Variants in ATG7 observed in about 807,000 individuals in gnomAD.
ATG7 encodes ubiquitin-like modifier-activating enzyme ATG7.
ATG7 carries 70 observed loss-of-function variants against 82.4 expected under a neutral mutation model. That is an observed-to-expected ratio of 0.85 (90% CI 0.70 to 1.04). The LOEUF is 1.04. Ranked by LOEUF, ATG7 falls within the 50% of genes least tolerant of loss-of-function variation. The pLI, the probability that ATG7 is intolerant of heterozygous loss-of-function variation, is 0.00. For synonymous variants in ATG7, 287 were observed against 313.0 expected (o/e 0.92, Z 0.88); for missense variants, 792 against 864.3 (o/e 0.92, Z 1.05).
intron 20 of ATG7, among the ~76,000 whole-genome samples, chr3:11,476,091 C>T (rs1017291719): frequency 6.6e-6 from 1 of 152,186 alleles, no homozygotes; most frequent in African/African-American, 2.4e-5. Flanking sequence ...TATGTGTGCA[C>T]AGAAACCACA....
At chr3:11,306,043 C>T (rs1947668384) in intron 5 of ATG7, among the ~76,000 whole-genome samples, 1 of 152,204 alleles carries the variant, frequency 6.6e-6, no homozygotes, top group African/African-American at 2.4e-5. Flanking sequence ...AGAGAAGAGA[C>T]CAGATTTGTC....
At chr3:11,542,664 C>G (rs1419772352) in intron 20 of ATG7, among the ~76,000 whole-genome samples, 2 of 152,184 alleles carry the variant, frequency 1.3e-5, no homozygotes, top group Admixed American at 1.3e-4. Context: ...CTAGTAGCTG[C>G]TCTCAACCAC....
chr3:11,391,428 T>C (rs2078793116), intron 19 of ATG7, among the ~76,000 whole-genome samples: 1 of 152,218 alleles, frequency 6.6e-6, no homozygotes, highest in Non-Finnish European at 1.5e-5. Context: ...ATGTTAAGCC[T>C]ACGACTTTAG....
intron 8 of ATG7, among the ~76,000 whole-genome samples, chr3:11,313,988 A>C (rs532673685): frequency 6.6e-6 from 1 of 152,344 alleles, no homozygotes; most frequent in South Asian, 2.1e-4. Flanking sequence ...AGGGGGAATT[A>C]TAGGAATATT....
chr3:11,495,239 G>C (rs1419357914), intron 20 of ATG7, among the ~76,000 whole-genome samples: 1 of 152,186 alleles, frequency 6.6e-6, no homozygotes, highest in Non-Finnish European at 1.5e-5. Context: ...CATGGACCTT[G>C]AAGTATGGAC....
At chr3:11,523,683 CA>C (rs1300241030) in intron 20 of ATG7, among the ~76,000 whole-genome samples, 2 of 152,148 alleles carry the variant, frequency 1.3e-5, no homozygotes, top group Non-Finnish European at 2.9e-5. Context: ...ACTGAGCAAG[CA>C]ACAAAGGTTT....
chr3:11,290,151 AGTT>A (rs1467404433), intron 3 of ATG7, among the ~76,000 whole-genome samples: 2 of 152,238 alleles, frequency 1.3e-5, no homozygotes, highest in Admixed American at 6.5e-5. Flanking sequence ...AGAAGTAACT[AGTT>A]GTTCTTAAAA....
At position 11,381,492 on chromosome 3, in the gene ATG7, TAATTA is replaced by T. The variant is rs1459005542; in HGVS notation, c.1956+1446_1956+1450del. On this transcript the variant is annotated intron_variant, in intron 19 of 20. Transcript: ENST00000693202. ...CACTCATTCATTCTTGTTCTATTTC[TAATTA>T]AATTAGCCTTTCAGATACTGTTTAT... Among the ~76,000 whole-genome samples the T allele has an allele frequency of 3.3e-5, 5 of 152,358 alleles. No individual in the cohort carries two copies. The South Asian group carries it at 8.3e-4, about 25-fold the overall frequency.
intron 5 of ATG7, among the ~76,000 whole-genome samples, chr3:11,300,487 C>A (rs890899293): frequency 5.3e-5 from 8 of 151,994 alleles, no homozygotes; most frequent in Non-Finnish European, 1.2e-4. Flanking sequence ...ATAGAGAAAC[C>A]AGGAGGGGGA....
At position 11,298,679 on chromosome 3, in the gene ATG7, T is replaced by A; in HGVS notation, c.-10-7T>A. ...ATTTTGCTGTGTTCTGTTTTGTTTT[T>A]TAATAGGCAAGAAATAATGGCGGCA... On this transcript the variant is annotated splice_region_variant and splice_polypyrimidine_tract_variant and intron_variant, in intron 3 of 20. Transcript: ENST00000693202. The A allele has an allele frequency of 6.2e-7, 1 of 1,610,390 alleles. No homozygotes were observed. The highest frequency in any genetic ancestry group is 8.5e-7 in the Non-Finnish European group (1 of 1,178,030).
At chr3:11,459,674 A>G (rs145257253) in intron 20 of ATG7, among the ~76,000 whole-genome samples, 109 of 152,316 alleles carry the variant, frequency 7.2e-4, no homozygotes, top group African/African-American at 2.5e-3. Flanking sequence ...GGAAAAGGAA[A>G]TATACTGGCA....
At chr3:11,415,760 T>C (rs1265905693) in intron 19 of ATG7, among the ~76,000 whole-genome samples, 1 of 8,386 alleles carries the variant, frequency 1.2e-4, no homozygotes, top group Non-Finnish European at 3.3e-4. Flanking sequence ...GCAGTTAACT[T>C]TTTTTTTTTT....
intron 3 of ATG7, among the ~76,000 whole-genome samples, chr3:11,284,521 G>A (rs2152651702): frequency 6.6e-6 from 1 of 152,256 alleles, no homozygotes; most frequent in East Asian, 1.9e-4. Context: ...GACTGGTATG[G>A]TTTAAAGATA....
At chr3:11,418,284 T>TA (rs1383580799) in intron 19 of ATG7, among the ~76,000 whole-genome samples, 62 of 151,286 alleles carry the variant, frequency 4.1e-4, no homozygotes, top group Non-Finnish European at 7.1e-4. Context: ...TTTTTTTTTT[T>TA]TATATTTTGT....
the ATG7 span, among the ~76,000 whole-genome samples, chr3:11,573,484 G>C: frequency 6.6e-6 from 1 of 152,150 alleles, no homozygotes; most frequent in Non-Finnish European, 1.5e-5. Context: ...AGTATTTGCA[G>C]GTCATCCACC....
intron 5 of ATG7, among the ~76,000 whole-genome samples, chr3:11,301,806 A>T (rs1014588236): frequency 6.6e-6 from 1 of 152,168 alleles, no homozygotes. Context: ...CCTCATATTT[A>T]TCTCAGACTA....
rs898620155 is a variant in ATG7 at position 11,308,887 on chromosome 3, AG to A, written c.334-96del. The stretch of plus-strand genomic sequence containing the variant: ...GTAAGTGGTGCTGGGCCTGTAGGAA[AG>A]AAGAGCCTGGTGCTTTTCAGCTCCA... On this transcript the variant is annotated intron_variant, in intron 6 of 20. Transcript: ENST00000693202. 2.6e-6 allele frequency: 3 copies of A among 1,147,418 alleles called. No homozygotes were observed. The African/African-American group carries it at 4.6e-5, about 17-fold the overall frequency. 71.1% of individuals were successfully genotyped at this position (1,147,418 alleles called of 1,614,324 possible).
chr3:11,483,066 A>G (rs1436679763), intron 20 of ATG7, among the ~76,000 whole-genome samples: 7 of 152,060 alleles, frequency 4.6e-5, no homozygotes, highest in Non-Finnish European at 8.8e-5. Context: ...TCTCCTATTT[A>G]ATATGTAAGA....
At chr3:11,471,347 A>C (rs1576650413) in intron 20 of ATG7, among the ~76,000 whole-genome samples, 1 of 152,174 alleles carries the variant, frequency 6.6e-6, no homozygotes, top group African/African-American at 2.4e-5. Flanking sequence ...CATAGAGGCT[A>C]CTTGGGTTCT....
Sources: allele counts gnomAD v4.1 joint callset (sites outside exome capture counted in the v4.1 genomes callset), GRCh38; gene constraint gnomAD v4.1.1; transcripts MANE v1.5; gene names NCBI Gene and HGNC (gene_info 2026-07-23, HGNC 2026-07-21).